MUC20: variants seen among roughly 807,000 people sequenced by gnomAD.
MUC20 encodes mucin 20, cell surface associated, also known as mucin-20.
MUC20 carries 14 observed loss-of-function variants against 23.8 expected under a neutral mutation model. The observed-to-expected ratio is 0.59, with a 90% confidence interval of 0.39 to 0.92. MUC20 has a LOEUF of 0.92. MUC20 is among the 40% of genes least tolerant of loss of function. The pLI is 0.00. For missense variants in MUC20, 375 were observed against 668.8 expected (o/e 0.56, Z 4.85); for synonymous variants, 166 against 279.3 (o/e 0.59, Z 4.04).
chr3:195,721,547 A>G (rs1431066470), intron 1 of MUC20, among the ~76,000 whole-genome samples: 3 of 151,750 alleles, frequency 2.0e-5, no homozygotes, highest in Admixed American at 6.6e-5. Context: ...TTCAAAATAC[A>G]GATTTCGTGT....
intron 2 of MUC20, among the ~76,000 whole-genome samples, chr3:195,727,043 C>T (rs1211676566): frequency 1.3e-5 from 2 of 152,288 alleles, no homozygotes; most frequent in Non-Finnish European, 2.9e-5. Context: ...GGCTGGGACC[C>T]CATGAAAGTG....
At position 195,733,175 on chromosome 3, in the gene MUC20, C is replaced by G; in HGVS notation, c.2087C>G (p.Ala696Gly). ...CTCCACCGGGAACTCCACGCCCACGCGCCTCACTTCCAGGTCTCCTTACTG... is the reference window on the plus strand; with the variant it reads ...CTCCACCGGGAACTCCACGCCCACGGGCCTCACTTCCAGGTCTCCTTACTG... ...QQLHRELHAH[A>G]PHFQVSLLRV... The change falls in exon 4 of 4, where the codon GCG becomes GGG. Residue 696 changes from alanine to glycine, a missense_variant. By Grantham distance (60) the Ala-to-Gly change is moderately conservative. This residue lies in a region of MUC20 where 343 missense variants were observed against 340.2 expected (regional missense o/e 1.01). Transcript: ENST00000447234. 3.1e-6 allele frequency: 5 copies of G among 1,595,192 alleles called. No homozygotes were observed. Among genetic ancestry groups the G allele is most frequent in the Non-Finnish European group, 4.3e-6 (5 of 1,171,830 alleles).
intron 3 of MUC20, among the ~76,000 whole-genome samples, chr3:195,732,352 T>C (rs1299121922): frequency 7.3e-6 from 1 of 137,716 alleles, no homozygotes; most frequent in African/African-American, 2.6e-5. Flanking sequence ...CTTTCTCTTT[T>C]TCTTTTCTTT....
chr3:195,732,573 T>A (rs1355918014), intron 3 of MUC20, among the ~76,000 whole-genome samples: 5 of 152,218 alleles, frequency 3.3e-5, no homozygotes, highest in Admixed American at 3.3e-4. Flanking sequence ...TTGGTCAGGC[T>A]GGTCTCGAAC....
Position 195,725,940 on chromosome 3 carries a change from C to G in MUC20, c.1337C>G (p.Pro446Arg). The G allele has an allele frequency of 6.2e-7, 1 of 1,613,700 alleles. No homozygotes were observed. The highest frequency in any genetic ancestry group is 8.5e-7 in the Non-Finnish European group (1 of 1,179,832). ...GGGGCCTCAGACACAGATCTCATCC[C>G]CACGGAAGGGGTGAAGGCCTCGTCC... ...IPGASDTDLI[P>R]TEGVKASSTS... Residue 446 changes from proline to arginine, a missense_variant, in exon 2 of 4, where the codon CCC becomes CGC. Pro to Arg is a moderately radical substitution (Grantham distance 103). This residue lies in a region of MUC20 where 343 missense variants were observed against 340.2 expected (regional missense o/e 1.01). Transcript: ENST00000447234.
At position 195,730,188 on chromosome 3, in the gene MUC20, C is replaced by T. The variant is rs188167733; in HGVS notation, c.2061+449C>T. On this transcript the variant is annotated intron_variant, in intron 3 of 3. Transcript: ENST00000447234. ...GTACGGCTGGATCCAGCAGCTCCAG[C>T]GCCATCACAGGGACTTTCTCTTTCT... 72 of 165,542 alleles carry T rather than the reference C, an allele frequency of 4.3e-4. No homozygotes were observed. The South Asian group carries it at 6.8e-3, about 16-fold the overall frequency. 10.3% of individuals were successfully genotyped at this position (165,542 alleles called of 1,614,324 possible).
rs565255072 is a variant in MUC20, at chr3:195,728,811, T to C, written c.1970-837T>C. 3.3e-5 allele frequency among the ~76,000 whole-genome samples: 5 copies of C among 152,284 alleles called. No homozygotes were observed. The East Asian group carries it at 9.6e-4, about 29-fold the overall frequency. ...GGTCCCTGCGGCTTTCCACAGTGCA[T>C]TGTGCCCCTGGTTTATTGAGACTAG... On this transcript the variant is annotated intron_variant, in intron 2 of 3. Transcript: ENST00000447234.
chr3:195,733,476 G>C lies in MUC20; in HGVS notation c.*258G>C. The C allele has an allele frequency of 3.6e-6, 5 of 1,405,394 alleles. No homozygotes were observed. Among genetic ancestry groups the C allele is most frequent in the Non-Finnish European group, 4.6e-6 (5 of 1,084,102 alleles). The allele number at this position is 1,405,394 out of a possible 1,614,324, so 87.1% of individuals were successfully genotyped here. A position where few individuals can be genotyped will look rare whatever the true frequency, so the allele number is the denominator to read the frequency against. ...TTGGACTCACCTTGGCACATGTTCT[G>C]TGTTTCAGTAAAGAGAGACCTGATC... On this transcript the variant is annotated 3_prime_UTR_variant, in exon 4 of 4. Coordinates refer to ENST00000447234, the MANE Select transcript of MUC20 (RefSeq NM_001282506.2).
rs368068725 is a variant in MUC20, at chr3:195,732,729, C to T, written c.2062-421C>T. On this transcript the variant is annotated intron_variant, in intron 3 of 3. Coordinates refer to ENST00000447234, the MANE Select transcript of MUC20 (RefSeq NM_001282506.2). The stretch of plus-strand genomic sequence containing the variant: ...ATGATTTCAGGAATCGGAAAGAAAC[C>T]GCGAGATCAGGAGCAGGTCAAGCAG... 4.6e-5 allele frequency among the ~76,000 whole-genome samples: 7 copies of T among 152,338 alleles called. 1 individual carries two copies. The East Asian group carries it at 9.7e-4, about 21-fold the overall frequency.
chr3:195,726,291 C>G lies in MUC20; in HGVS notation c.1688C>G (p.Thr563Arg), dbSNP rs778934211. The change falls in exon 2 of 4, where the codon ACA becomes AGA. Residue 563 changes from threonine (T) to arginine (R), a missense_variant. Thr to Arg is a moderately conservative substitution (Grantham distance 71). This residue lies in a region of MUC20 where 343 missense variants were observed against 340.2 expected (regional missense o/e 1.01). Coordinates refer to ENST00000447234, the MANE Select transcript of MUC20 (RefSeq NM_001282506.2). ...SIEAGSAVGK[T>R]TSFAGSSASS... ...GAGGCTGGGTCAGCAGTGGGCAAAACAACTTCCTTTGCTGGGAGCTCTGCT... is the reference window on the plus strand; with the variant it reads ...GAGGCTGGGTCAGCAGTGGGCAAAAGAACTTCCTTTGCTGGGAGCTCTGCT... The G allele has an allele frequency of 1.2e-6, 2 of 1,614,066 alleles. No individual in the cohort carries two copies. The highest frequency in any genetic ancestry group is 1.7e-5 in the Admixed American group (1 of 60,036).
intron 3 of MUC20, among the ~76,000 whole-genome samples, chr3:195,730,315 C>T (rs1210919493): frequency 2.0e-5 from 3 of 152,224 alleles, no homozygotes; most frequent in African/African-American, 7.2e-5. Context: ...CTTCCATCTC[C>T]CCACATTTTC....
At chr3:195,732,453 G>A (rs553965269) in intron 3 of MUC20, among the ~76,000 whole-genome samples, 166 of 151,768 alleles carry the variant, frequency 1.1e-3, no homozygotes, top group African/African-American at 2.6e-3. Context: ...TCCACCTCCC[G>A]GATTCAAGCA....
chr3:195,722,222 C>G, intron 1 of MUC20: 1 of 770,754 alleles, frequency 1.3e-6, no homozygotes, highest in East Asian at 1.2e-4. Flanking sequence ...TTACCACCCC[C>G]CACCTCCACT....
intron 2 of MUC20, among the ~76,000 whole-genome samples, chr3:195,728,701 G>A (rs1440150820): frequency 6.6e-6 from 1 of 151,516 alleles, no homozygotes; most frequent in Admixed American, 6.6e-5. Context: ...CTGGGGGACG[G>A]TCAGGTCTTT....
chr3:195,723,032 C>T (rs1382189604), intron 1 of MUC20, among the ~76,000 whole-genome samples: 3 of 138,324 alleles, frequency 2.2e-5, no homozygotes, highest in Non-Finnish European at 4.9e-5. Flanking sequence ...TCCGCTGGTC[C>T]TCATCACGTT....
chr3:195,732,015 G>GTTTTA (rs1373875758), intron 3 of MUC20, among the ~76,000 whole-genome samples: 1 of 147,892 alleles, frequency 6.8e-6, no homozygotes, highest in African/African-American at 2.5e-5. Context: ...GTTTTGTTTT[G>GTTTTA]TTTTCTGAGA....
intron 2 of MUC20, among the ~76,000 whole-genome samples, chr3:195,726,967 A>T (rs749398941): frequency 6.6e-6 from 1 of 152,142 alleles, no homozygotes; most frequent in African/African-American, 2.4e-5. Flanking sequence ...GGAAGCTTCT[A>T]TTCCAGCCAT....
rs908597506 is a variant in MUC20, at chr3:195,733,140, T to C, written c.2062-10T>C. Reference sequence around the variant, plus strand: ...GGGCTGAAAGGACAGCTGGCTCTTTTGCTCTCCAGCTCCACCGGGAACTCC... The same window carrying C: ...GGGCTGAAAGGACAGCTGGCTCTTTCGCTCTCCAGCTCCACCGGGAACTCC... On this transcript the variant is annotated splice_polypyrimidine_tract_variant and intron_variant, in intron 3 of 3. Transcript: ENST00000447234. 6 of 1,581,190 alleles carry C rather than the reference T, an allele frequency of 3.8e-6. No individual in the cohort carries two copies. The highest frequency in any genetic ancestry group is 1.7e-4 in the Middle Eastern group (1 of 6,046).
rs1012359486 is a variant in MUC20, at chr3:195,730,339, T to A, written c.2061+600T>A. ...CCCCACATTTTCTTTTCTTTTTTCT[T>A]TTTCTTTCTTTCTTTTTGTTTTTTG... On this transcript the variant is annotated intron_variant, in intron 3 of 3. Coordinates refer to ENST00000447234, the MANE Select transcript of MUC20 (RefSeq NM_001282506.2). 2.0e-4 allele frequency among the ~76,000 whole-genome samples: 30 copies of A among 152,362 alleles called. 1 individual carries two copies. The highest frequency in any genetic ancestry group is 2.8e-4 in the Non-Finnish European group (19 of 68,038).
Sources: gnomAD v4.1 joint callset for allele counts (sites outside exome capture counted in the v4.1 genomes callset) on GRCh38, gnomAD v4.1.1 for gene constraint, gnomAD v4.1.1 regional missense constraint, MANE v1.5 for transcripts, NCBI Gene and HGNC (gene_info 2026-07-23, HGNC 2026-07-21) for gene names.